TBCD: variants seen among roughly 807,000 people sequenced by gnomAD.
TBCD encodes tubulin-specific chaperone D.
In TBCD, 105 loss-of-function variants were observed where a neutral mutation model predicts 169.3. That is an observed-to-expected ratio of 0.62 (90% confidence interval 0.53 to 0.73). TBCD has a LOEUF of 0.73. TBCD is among the 30% of genes least tolerant of loss of function. The probability of loss-of-function intolerance (pLI) is 0.00; values close to 1 mark genes in which losing one functional copy is unlikely to be tolerated. For synonymous variants in TBCD, 700 were observed against 643.9 expected (o/e 1.09, Z -1.32); for missense variants, 1,444 against 1,600.1 (o/e 0.90, Z 1.66).
At chr17:82,899,685 C>G (rs887880071) in intron 17 of TBCD, among the ~76,000 whole-genome samples, 5 of 152,338 alleles carry the variant, frequency 3.3e-5, no homozygotes, top group Non-Finnish European at 4.4e-5. Flanking sequence ...ATATATTTAA[C>G]TTTATGAGAA....
At chr17:82,828,102 C>T (rs1019008849) in intron 13 of TBCD, among the ~76,000 whole-genome samples, 3 of 150,908 alleles carry the variant, frequency 2.0e-5, no homozygotes, top group Non-Finnish European at 3.0e-5. Context: ...CACACCCCCC[C>T]GCAGATATGC....
intron 5 of TBCD, among the ~76,000 whole-genome samples, chr17:82,771,923 CA>C (rs33998188): frequency 0.41 from 57,797 of 139,958 alleles, 11,019 homozygotes; most frequent in Admixed American, 0.44. Flanking sequence ...GACTCCGTCT[CA>C]AAAAAAAAAA....
chr17:82,861,340 GCTGGTTCACGTCAGCCGC>G (rs1056542246), intron 13 of TBCD, among the ~76,000 whole-genome samples: 2 of 1,278 alleles, frequency 1.6e-3, no homozygotes, highest in African/African-American at 6.7e-3. Context: ...CACGTCAGCC[GCTGGTTCACGTCAGCCGC>G]TGGTTCACGT....
chr17:82,826,940 T>C (rs1220331726), intron 13 of TBCD, among the ~76,000 whole-genome samples: 1 of 152,126 alleles, frequency 6.6e-6, no homozygotes, highest in African/African-American at 2.4e-5. Context: ...CACACCTGGC[T>C]GACTATTTTT....
At chr17:82,754,050 G>A (rs1320965566) in intron 1 of TBCD, among the ~76,000 whole-genome samples, 2 of 151,538 alleles carry the variant, frequency 1.3e-5, no homozygotes, top group African/African-American at 4.9e-5. Context: ...CTAATTTTTC[G>A]TATTATTAGT....
rs556519968 is a variant in TBCD at position 82,813,067 on chromosome 17, C to T, written c.1224-1773C>T. ...TGAACTCCTGGCCTCAAGCAGTCCT[C>T]TTGCCTCGGTTTCCCAAAGTGCTGG... On this transcript the variant is annotated intron_variant, in intron 12 of 38. Coordinates refer to ENST00000355528, the MANE Select transcript of TBCD (RefSeq NM_005993.5). Among the ~76,000 whole-genome samples, 14 of 140,536 alleles carry T rather than the reference C, an allele frequency of 1.0e-4. No homozygotes were observed. The South Asian group carries it at 3.0e-3, about 30-fold the overall frequency. 92.2% of individuals were successfully genotyped at this position (140,536 alleles called of 152,430 possible). A position where few individuals can be genotyped will look rare whatever the true frequency, so the allele number is the denominator to read the frequency against.
chr17:82,761,582 G>T (rs1261352205), intron 2 of TBCD, among the ~76,000 whole-genome samples: 1 of 152,086 alleles, frequency 6.6e-6, no homozygotes, highest in Non-Finnish European at 1.5e-5. Context: ...CATTAGTTTT[G>T]CCTGTTCTAG....
intron 17 of TBCD, among the ~76,000 whole-genome samples, chr17:82,896,453 GTTTTTT>G (rs1014108505): frequency 8.8e-5 from 8 of 91,426 alleles, no homozygotes; most frequent in African/African-American, 1.3e-4. Context: ...TGTGCTGTCA[GTTTTTT>G]TTTTTTTTTT....
Position 82,846,317 on chromosome 17 carries a change from A to G in TBCD, c.1319-23907A>G, listed in dbSNP as rs28450512. ...GCTGCCCCCTCCACGTGCTGCGTCCAGCGTGCCGTGTCCTCTCGTCCAGCC... is the reference window on the plus strand; with the variant it reads ...GCTGCCCCCTCCACGTGCTGCGTCCGGCGTGCCGTGTCCTCTCGTCCAGCC... On this transcript the variant is annotated intron_variant, in intron 13 of 38. Coordinates refer to ENST00000355528, the MANE Select transcript of TBCD (RefSeq NM_005993.5). Among the ~76,000 whole-genome samples the G allele has an allele frequency of 2.9e-3, 199 of 69,042 alleles. 14 individuals are homozygous for G. The highest frequency in any genetic ancestry group is 6.5e-3 in the East Asian group (16 of 2,460). 45.3% of individuals were successfully genotyped at this position (69,042 alleles called of 152,430 possible). A position where few individuals can be genotyped will look rare whatever the true frequency, so the allele number is the denominator to read the frequency against.
intron 13 of TBCD, among the ~76,000 whole-genome samples, chr17:82,850,895 T>C (rs963930645): frequency 5.3e-5 from 8 of 152,242 alleles, no homozygotes; most frequent in Non-Finnish European, 8.8e-5. Flanking sequence ...CTCCCAATTA[T>C]TGATAACTAA....
chr17:82,937,714 T>TGGACACTGGGCAGGTGCGCCAGCC, intron 35 of TBCD: 1 of 698,286 alleles, frequency 1.4e-6, no homozygotes, highest in Non-Finnish European at 2.3e-6. Flanking sequence ...GGCGCTCAGG[T>TGGACACTGGGCAGGTGCGCCAGCC]GGACACTGGG....
Position 82,752,166 on chromosome 17 carries a change from G to T in TBCD, c.-28G>T, listed in dbSNP as rs1233392853. 66 of 1,499,050 alleles carry T rather than the reference G, an allele frequency of 4.4e-5. No homozygotes were observed. Among genetic ancestry groups the T allele is most frequent in the Non-Finnish European group, 5.8e-5 (65 of 1,127,288 alleles). 92.9% of individuals were successfully genotyped at this position (1,499,050 alleles called of 1,614,324 possible). A position where few individuals can be genotyped will look rare whatever the true frequency, so the allele number is the denominator to read the frequency against. On this transcript the variant is annotated 5_prime_UTR_variant, in exon 1 of 39. Coordinates refer to ENST00000355528, the MANE Select transcript of TBCD (RefSeq NM_005993.5). The stretch of plus-strand genomic sequence containing the variant: ...GGAGTGGGATCTGCGAACACGTGAG[G>T]CGGGGGCGCGGTCCCCAGGCTGCCG...
chr17:82,838,822 T>TA, intron 13 of TBCD: 1 of 985,450 alleles, frequency 1.0e-6, no homozygotes, highest in Non-Finnish European at 1.2e-6. Context: ...GATCCCGAGT[T>TA]ACAGACCTGA....
rs895288333 is a variant in TBCD at position 82,833,868 on chromosome 17, G to C, written c.1318+18934G>C. 6.6e-6 allele frequency among the ~76,000 whole-genome samples: 1 copy of C among 152,208 alleles called. No individual in the cohort carries two copies. Among genetic ancestry groups the C allele is most frequent in the African/African-American group, 2.4e-5 (1 of 41,460 alleles). On this transcript the variant is annotated intron_variant, in intron 13 of 38. Transcript: ENST00000355528. This position sits in a 1 kb window ranked among gnomAD's most constrained non-coding sequence, Gnocchi z 4.7. ...TGGCCTGCTCTTTTGGATTCTTCCAGAGGGTCTCTGTGTCCCCCTTACCAG... is the reference window on the plus strand; with the variant it reads ...TGGCCTGCTCTTTTGGATTCTTCCACAGGGTCTCTGTGTCCCCCTTACCAG...
chr17:82,753,886 G>C (rs1231698854), intron 1 of TBCD, among the ~76,000 whole-genome samples: 1 of 86,400 alleles, frequency 1.2e-5, no homozygotes, highest in Non-Finnish European at 2.3e-5. Context: ...TTTTTTTTTT[G>C]AGGCGGAGTC....
chr17:82,780,317 G>A (rs772269033), intron 6 of TBCD, among the ~76,000 whole-genome samples: 1 of 152,104 alleles, frequency 6.6e-6, no homozygotes, highest in Non-Finnish European at 1.5e-5. Flanking sequence ...TTGCACTGTG[G>A]AAGTCCCCAG....
chr17:82,916,179 G>A (rs964777468), intron 23 of TBCD, among the ~76,000 whole-genome samples: 4 of 151,930 alleles, frequency 2.6e-5, no homozygotes, highest in East Asian at 3.9e-4. Flanking sequence ...ACACTCTAGT[G>A]TTTTCCATAG....
chr17:82,803,625 G>T (rs1392486708), intron 9 of TBCD, among the ~76,000 whole-genome samples: 1 of 152,176 alleles, frequency 6.6e-6, no homozygotes, highest in Non-Finnish European at 1.5e-5. Flanking sequence ...GGAGGTGGAG[G>T]TGGCCCACCT....
Position 82,880,541 on chromosome 17 carries a change from C to G in TBCD, c.1476-3604C>G, listed in dbSNP as rs985348479. Among the ~76,000 whole-genome samples the G allele has an allele frequency of 2.0e-5, 3 of 152,220 alleles. No individual in the cohort carries two copies. Among genetic ancestry groups the G allele is most frequent in the African/African-American group, 7.2e-5 (3 of 41,444 alleles). ...GGGCTTATGACTTTGTTGTTGTTTA[C>G]GTGGAGGAACTGAAAGACCTGGGTG... On this transcript the variant is annotated intron_variant, in intron 14 of 38. Transcript: ENST00000355528. This position sits in a 1 kb window ranked among gnomAD's most constrained non-coding sequence, Gnocchi z 5.0.
Sources: allele counts gnomAD v4.1 joint callset (sites outside exome capture counted in the v4.1 genomes callset), GRCh38; gene constraint gnomAD v4.1.1; non-coding constraint Gnocchi (gnomAD v3.1); transcripts MANE v1.5; gene names NCBI Gene and HGNC (gene_info 2026-07-23, HGNC 2026-07-21).